Variants in HPS5 observed in about 807,000 individuals in gnomAD.
The protein encoded by HPS5 is HPS5 biogenesis of lysosomal organelles complex 2 subunit 2, also known as BLOC-2 complex member HPS5.
In HPS5, 83 loss-of-function variants were observed where a neutral mutation model predicts 128.0. The observed-to-expected ratio is 0.65, with a 90% CI of 0.54 to 0.78. The LOEUF is 0.78. Ranked by LOEUF, HPS5 falls within the 30% of genes least tolerant of loss-of-function variation. HPS5 has a pLI of 0.00. For missense variants in HPS5, 1,281 were observed against 1,326.2 expected, an observed-to-expected ratio of 0.97 and a Z score of 0.53; for synonymous variants, 475 against 470.2, an observed-to-expected ratio of 1.01 and a Z score of -0.13.
intron 8 of HPS5, among the ~76,000 whole-genome samples, chr11:18,301,957 T>C (rs1480716252): frequency 6.6e-6 from 1 of 152,124 alleles, no homozygotes; most frequent in East Asian, 1.9e-4. Flanking sequence ...TCCACTTATC[T>C]TCACTAACCT....
intron 1 of HPS5, 32 bp from the exon 2 acceptor site, chr11:18,317,939 A>C: frequency 6.8e-7 from 1 of 1,468,178 alleles, no homozygotes; most frequent in Non-Finnish European, 9.3e-7. Flanking sequence ...ATAATTTAAG[A>C]AGCCCACCAT....
intron 16 of HPS5, among the ~76,000 whole-genome samples, chr11:18,291,101 C>G (rs1860346493): frequency 2.0e-5 from 3 of 152,122 alleles, no homozygotes; most frequent in African/African-American, 7.2e-5. Flanking sequence ...GCCTGCAGTC[C>G]CAGCTACTTG....
chr11:18,297,455 TA>T, intron 11 of HPS5, 103 bp downstream of exon 11: 1 of 1,102,928 alleles, frequency 9.1e-7, no homozygotes, highest in Non-Finnish European at 1.4e-6. Flanking sequence ...CCAAAAAACA[TA>T]AATGGAAAGG....
chr11:18,308,352 C>A (rs1253207550), intron 6 of HPS5, among the ~76,000 whole-genome samples: 1 of 152,172 alleles, frequency 6.6e-6, no homozygotes, highest in Non-Finnish European at 1.5e-5. Context: ...AAGAAGACTT[C>A]CTGCTTTCCC....
chr11:18,292,045 TTCATGTG>T, intron 15 of HPS5, 26 bp from the exon 16 acceptor site: 1 of 1,556,006 alleles, frequency 6.4e-7, no homozygotes, highest in Non-Finnish European at 8.9e-7. Context: ...AAGTATGAAA[TTCATGTG>T]TCATGTGTTT....
Position 18,286,605 on chromosome 11 carries a change from A to G in HPS5, c.2823T>C (p.Asp941=), listed in dbSNP as rs771110512. Residue 941 remains aspartate, a synonymous_variant, in exon 19 of 23, where the codon GAT becomes GAC. Transcript: ENST00000349215. ...TTCTTCTGTACCTGGGATAACCTTC[A>G]TCATCCATTGTGCTGGTGCTTGGTG... ...DAPPSTSTMD[D]EGYPRPHSHL... The G allele has an allele frequency of 6.2e-7, 1 of 1,614,054 alleles. No individual in the cohort carries two copies. The highest frequency in any genetic ancestry group is 2.2e-5 in the East Asian group (1 of 44,874).
chr11:18,316,501 G>A (rs1863646598), intron 2 of HPS5, among the ~76,000 whole-genome samples: 1 of 152,034 alleles, frequency 6.6e-6, no homozygotes, highest in African/African-American at 2.4e-5. Flanking sequence ...GAACACTAAC[G>A]GGGAAAAATG....
At chr11:18,292,376 G>C (rs1860520337) in intron 15 of HPS5, among the ~76,000 whole-genome samples, 1 of 151,768 alleles carries the variant, frequency 6.6e-6, no homozygotes, top group Non-Finnish European at 1.5e-5. Flanking sequence ...AGCTACTTTT[G>C]GTATTTGGGG....
chr11:18,298,750 C>T (rs773239435), intron 10 of HPS5, 42 bp downstream of exon 10: 11 of 1,593,332 alleles, frequency 6.9e-6, no homozygotes, highest in Admixed American at 5.0e-5. Flanking sequence ...AGGAGAGTTT[C>T]ACCAATCCAT....
intron 4 of HPS5, 142 bp from the exon 5 acceptor site, chr11:18,311,075 T>A: frequency 1.4e-6 from 1 of 715,026 alleles, no homozygotes; most frequent in Non-Finnish European, 2.5e-6. Flanking sequence ...GTCAAGGTAT[T>A]AATTTCCTTG....
At position 18,296,982 on chromosome 11, in the gene HPS5, T is replaced by G. The variant is rs1176984073; in HGVS notation, c.1326A>C (p.Glu442Asp). Residue 442 changes from glutamate to aspartate, a missense_variant and splice_region_variant, in exon 12 of 23, where the codon GAA becomes GAC. Coordinates refer to ENST00000349215, the MANE Select transcript of HPS5 (RefSeq NM_181507.2). ...TACCAGAGTCCAAGATGCTGAAACT[T>G]TCCTAAAAATTAAAAGAATTCAAAA... ...SSRRSSISSH[E>D]SFSILDSGIY... The G allele has an allele frequency of 6.3e-7, 1 of 1,585,078 alleles. No homozygotes were observed. Among genetic ancestry groups the G allele is most frequent in the South Asian group, 1.1e-5 (1 of 89,660 alleles).
intron 16 of HPS5, 112 bp from the exon 17 acceptor site, chr11:18,288,125 T>C (rs1203896946): frequency 1.8e-6 from 2 of 1,142,624 alleles, no homozygotes; most frequent in East Asian, 4.7e-5. Flanking sequence ...TGTGGACCTA[T>C]TATGTGCAAG....
intron 5 of HPS5, among the ~76,000 whole-genome samples, chr11:18,309,640 T>C (rs577704776): frequency 6.6e-6 from 1 of 152,370 alleles, no homozygotes; most frequent in African/African-American, 2.4e-5. Context: ...TAAGAATCAA[T>C]TGATAACGTT....
chr11:18,301,255 A>C (rs1861663734), intron 8 of HPS5, among the ~76,000 whole-genome samples: 1 of 152,122 alleles, frequency 6.6e-6, no homozygotes, highest in Non-Finnish European at 1.5e-5. Flanking sequence ...CAGGAGTTTG[A>C]GACTAGCCAG....
At chr11:18,296,671 G>A in intron 12 of HPS5, 127 bp downstream of exon 12, 1 of 897,960 alleles carries the variant, frequency 1.1e-6, no homozygotes, top group South Asian at 1.3e-5. Context: ...TGGATGGAAA[G>A]TTCTATCAAC....
intron 1 of HPS5, among the ~76,000 whole-genome samples, chr11:18,318,918 T>G (rs771487667): frequency 1.3e-5 from 2 of 152,030 alleles, no homozygotes; most frequent in East Asian, 1.9e-4. Context: ...CTAACCCTCA[T>G]AGAGCATACT....
intron 10 of HPS5, among the ~76,000 whole-genome samples, chr11:18,298,328 C>A (rs1042695814): frequency 4.9e-4 from 75 of 151,844 alleles, no homozygotes; most frequent in African/African-American, 1.8e-3. Flanking sequence ...CCCGTCTCTA[C>A]TAAAAATACA....
At chr11:18,300,219 A>T (rs1372643284) in intron 9 of HPS5, among the ~76,000 whole-genome samples, 1 of 152,218 alleles carries the variant, frequency 6.6e-6, no homozygotes, top group Non-Finnish European at 1.5e-5. Flanking sequence ...GCATGTATCG[A>T]AACATATTAT....
At position 18,279,781 on chromosome 11, in the gene HPS5, G is replaced by A. The variant is rs1858625056; in HGVS notation, c.*101C>T. 3 of 1,120,926 alleles carry A rather than the reference G, an allele frequency of 2.7e-6. No individual in the cohort carries two copies. The South Asian group carries it at 3.9e-5, about 14-fold the overall frequency. The allele number at this position is 1,120,926 out of a possible 1,614,324, so 69.4% of individuals were successfully genotyped here. On this transcript the variant is annotated 3_prime_UTR_variant, in exon 23 of 23. Transcript: ENST00000349215. ...AGCCCCAATAAGATGGCAGGATTTG[G>A]GGGTGGTGTCTTTCCTTCAATAACA...
Sources: allele counts gnomAD v4.1 joint callset (sites outside exome capture counted in the v4.1 genomes callset), GRCh38; gene constraint gnomAD v4.1.1; transcripts MANE v1.5; gene names NCBI Gene and HGNC (gene_info 2026-07-23, HGNC 2026-07-21).